Variants in ITGB2 observed in about 807,000 individuals in gnomAD.
ITGB2 encodes integrin subunit beta 2, also known as integrin beta-2.
A neutral mutation model predicts 86.8 loss-of-function variants in ITGB2; 56 were observed. The observed-to-expected ratio is 0.65, with a 90% CI of 0.52 to 0.81. The LOEUF (loss-of-function observed/expected upper bound fraction) is 0.81. Among genes scored for constraint, ITGB2 ranks in the 30% least tolerant of loss-of-function variants. The pLI is 0.00. For synonymous variants in ITGB2, 457 were observed against 450.4 expected (o/e 1.01, Z -0.19); for missense variants, 948 against 1,061.2 (o/e 0.89, Z 1.48).
In ITGB2 at chr21:44,900,446, C is replaced by T. The variant is rs751532197; in HGVS notation, c.771G>A (p.Arg257=). The change falls in exon 7 of 16, where the codon CGG becomes CGA. Residue 257 remains arginine, a synonymous_variant. Transcript: ENST00000652462. ...PEEIGWRNVT[R]LLVFATDDGF... is the part of the protein sequence containing the mutation. The stretch of plus-strand genomic sequence containing the variant: ...CGTCATCAGTGGCAAACACCAGCAG[C>T]CGCGTGACGTTGCGCCAGCCGATTT... The T allele has an allele frequency of 6.2e-7, 1 of 1,613,994 alleles. No homozygotes were observed. Among genetic ancestry groups the T allele is most frequent in the Non-Finnish European group, 8.5e-7 (1 of 1,179,946 alleles).
chr21:44,901,378 T>C (rs1277159438), intron 6 of ITGB2, 114 bp downstream of exon 6: 3 of 1,352,082 alleles, frequency 2.2e-6, no homozygotes, highest in African/African-American at 2.9e-5. Context: ...AGGCCCAGGC[T>C]GGAGTCCCTC....
chr21:44,888,987 G>C, intron 13 of ITGB2, 92 bp from the exon 14 acceptor site: 1 of 1,200,270 alleles, frequency 8.3e-7, no homozygotes, highest in Non-Finnish European at 1.2e-6. Flanking sequence ...ACCAGGGGGG[G>C]CAGGTGGGGT....
intron 4 of ITGB2, 44 bp downstream of exon 4, chr21:44,906,871 C>G (rs993055344): frequency 6.2e-7 from 1 of 1,608,590 alleles, no homozygotes; most frequent in African/African-American, 1.3e-5. Context: ...GAGCCAATAA[C>G]CAGCACAGAC....
intron 10 of ITGB2, chr21:44,893,097 AGCACCCTCTCG>A (rs1034142253): frequency 8.2e-6 from 3 of 365,646 alleles, no homozygotes; most frequent in African/African-American, 2.1e-5. Context: ...CTCACTGAGA[AGCACCCTCTCG>A]GCACCCTCTC....
At chr21:44,912,273 T>A (rs564128869) in intron 1 of ITGB2, among the ~76,000 whole-genome samples, 1 of 152,124 alleles carries the variant, frequency 6.6e-6, no homozygotes, top group African/African-American at 2.4e-5. Flanking sequence ...CAGCGCTGGG[T>A]GCTGTGCTGT....
chr21:44,890,399 G>C (rs1481303141), intron 11 of ITGB2, among the ~76,000 whole-genome samples, 177 bp from the exon 12 acceptor site: 2 of 152,242 alleles, frequency 1.3e-5, no homozygotes, highest in Non-Finnish European at 2.9e-5. Flanking sequence ...ACGTGCAGGG[G>C]CCCCGCGTTC....
intron 10 of ITGB2, among the ~76,000 whole-genome samples, chr21:44,892,703 G>A (rs1467675236): frequency 6.7e-6 from 1 of 148,420 alleles, no homozygotes; most frequent in Non-Finnish European, 1.5e-5. Flanking sequence ...ATGAAAGCAA[G>A]TGTCTTGCTG....
chr21:44,920,012 C>T (rs1426982476), intron 1 of ITGB2, among the ~76,000 whole-genome samples: 6 of 152,154 alleles, frequency 3.9e-5, no homozygotes, highest in Non-Finnish European at 8.8e-5. Context: ...GTGGGGAGGC[C>T]AGGGTCACCA....
In ITGB2 at chr21:44,926,393, G is replaced by A. The variant is rs549399861; in HGVS notation, c.-4+2261C>T. On this transcript the variant is annotated intron_variant, in intron 1 of 15. Transcript: ENST00000355153. Reference sequence around the variant, plus strand: ...GTAAAAATATCAGGTGTGGCTGCACGGAGTGAAAAATCACAGGCTCCACGG... The same window carrying A: ...GTAAAAATATCAGGTGTGGCTGCACAGAGTGAAAAATCACAGGCTCCACGG... Among the ~76,000 whole-genome samples, 348 of 152,328 alleles carry A rather than the reference G, an allele frequency of 2.3e-3. 1 individual carries two copies. The highest frequency in any genetic ancestry group is 8.1e-3 in the African/African-American group (338 of 41,578).
intron 8 of ITGB2, among the ~76,000 whole-genome samples, chr21:44,896,111 C>CGCCTGTGGTGTGAGTACTCCT (rs995239357): frequency 2.6e-5 from 4 of 151,798 alleles, no homozygotes; most frequent in Admixed American, 2.6e-4. Flanking sequence ...TGACTGCTCC[C>CGCCTGTGGTGTGAGTACTCCT]GCCTGTGGTG....
At chr21:44,887,015 AG>A (rs1195969801) in intron 14 of ITGB2, 113 bp from the exon 15 acceptor site, 2 of 1,326,912 alleles carry the variant, frequency 1.5e-6, no homozygotes, top group East Asian at 2.4e-5. Flanking sequence ...GGAGGTTCCC[AG>A]GGCCCCGGCT....
intron 9 of ITGB2, 152 bp from the exon 10 acceptor site, chr21:44,893,696 T>G: frequency 9.4e-7 from 1 of 1,065,308 alleles, no homozygotes. Flanking sequence ...CAGGATGTGC[T>G]GAGGATGGCA....
At chr21:44,910,477 G>A (rs568517076) in intron 2 of ITGB2, 105 bp from the exon 3 acceptor site, 5 of 1,580,648 alleles carry the variant, frequency 3.2e-6, no homozygotes, top group Middle Eastern at 1.7e-4. Context: ...AGACAGGGAG[G>A]CAGCCTCCAG....
intron 11 of ITGB2, among the ~76,000 whole-genome samples, chr21:44,891,140 AG>A (rs982778436): frequency 3.5e-4 from 53 of 152,332 alleles, no homozygotes; most frequent in African/African-American, 1.2e-3. Flanking sequence ...AGCTCTGGCC[AG>A]GCAAGCAAGG....
chr21:44,919,167 C>T (rs2084259451), intron 1 of ITGB2, among the ~76,000 whole-genome samples: 1 of 152,282 alleles, frequency 6.6e-6, no homozygotes, highest in South Asian at 2.1e-4. Flanking sequence ...GGTCAGGTGG[C>T]CACAGGGGTC....
At position 44,889,561 on chromosome 21, in the gene ITGB2, C is replaced by T. The variant is rs577080724; in HGVS notation, c.1658-66G>A. 1.5e-4 allele frequency: 212 copies of T among 1,415,786 alleles called. 1 individual carries two copies. The African/African-American group carries it at 2.4e-3, about 16-fold the overall frequency. The allele number at this position is 1,415,786 out of a possible 1,614,324, so 87.7% of individuals were successfully genotyped here. A position where few individuals can be genotyped will look rare whatever the true frequency, so the allele number is the denominator to read the frequency against. Reference sequence around the variant, plus strand: ...GGGAACCGAGACCCGCCCGAAACCCCACTGCGGTTGCTCCCTCCGGCCCGC... The same window carrying T: ...GGGAACCGAGACCCGCCCGAAACCCTACTGCGGTTGCTCCCTCCGGCCCGC... On this transcript the variant is annotated intron_variant, in intron 12 of 15. Coordinates refer to ENST00000652462, the MANE Select transcript of ITGB2 (RefSeq NM_000211.5).
chr21:44,900,366 C>T lies in ITGB2; in HGVS notation c.851G>A (p.Gly284Asp). Residue 284 changes from glycine to aspartate, a missense_variant, in exon 7 of 16, where the codon GGC becomes GAC. Coordinates refer to ENST00000652462, the MANE Select transcript of ITGB2 (RefSeq NM_000211.5). ...KLGAILTPND[G>D]RCHLEDNLYK... ...CAAGTTGTCCTCCAGGTGACAGCGG[C>T]CGTCGTTGGGGGTCAGGATGGCGCC... 16 of 1,614,208 alleles carry T rather than the reference C, an allele frequency of 9.9e-6. No homozygotes were observed. Among genetic ancestry groups the T allele is most frequent in the Non-Finnish European group, 1.4e-5 (16 of 1,180,028 alleles).
intron 3 of ITGB2, among the ~76,000 whole-genome samples, chr21:44,907,769 G>T (rs1568899329): frequency 6.6e-6 from 1 of 152,218 alleles, no homozygotes; most frequent in Non-Finnish European, 1.5e-5. Context: ...GGGAAGCTCA[G>T]GAGGATAAGC....
In ITGB2 at chr21:44,896,940, C is replaced by T. The variant is rs3788143; in HGVS notation, c.994-1880G>A. Among the ~76,000 whole-genome samples the T allele has an allele frequency of 2.0e-5, 3 of 152,352 alleles. No homozygotes were observed. In the East Asian group the frequency reaches 5.8e-4, roughly 29 times the overall value. Reference sequence around the variant, plus strand: ...GGCAAAGGATTGGGACCTGCTACTGCTGGTGAGGAGGGGACCGTCATGGCC... The same window carrying T: ...GGCAAAGGATTGGGACCTGCTACTGTTGGTGAGGAGGGGACCGTCATGGCC... On this transcript the variant is annotated intron_variant, in intron 8 of 15. Transcript: ENST00000652462.
Sources: allele counts gnomAD v4.1 joint callset (sites outside exome capture counted in the v4.1 genomes callset), GRCh38; gene constraint gnomAD v4.1.1; transcripts MANE v1.5; gene names NCBI Gene and HGNC (gene_info 2026-07-23, HGNC 2026-07-21).